MAF: variants seen among roughly 807,000 people sequenced by gnomAD.
MAF encodes MAF bZIP transcription factor, also known as transcription factor Maf.
Under a neutral mutation model 22.0 loss-of-function variants are expected in MAF, and 10 were observed. The observed-to-expected ratio is 0.45, with a 90% CI of 0.28 to 0.77. The LOEUF is 0.77. Among genes scored for constraint, MAF ranks in the 30% least tolerant of loss-of-function variants. The pLI is 0.12. For synonymous variants in MAF, 337 were observed against 255.8 expected (o/e 1.32, Z -3.03); for missense variants, 544 against 548.4 (o/e 0.99, Z 0.08).
chr16:79,417,402 C>A, the MAF span, among the ~76,000 whole-genome samples: 1 of 152,206 alleles, frequency 6.6e-6, no homozygotes, highest in Non-Finnish European at 1.5e-5. Flanking sequence ...GTATCTATCC[C>A]CATTCTATTT....
the MAF span, among the ~76,000 whole-genome samples, chr16:79,579,430 C>T: frequency 6.6e-6 from 1 of 152,072 alleles, no homozygotes; most frequent in African/African-American, 2.4e-5. Flanking sequence ...CCATACAAGC[C>T]TCATTACTAT....
chr16:79,528,642 T>C, the MAF span, among the ~76,000 whole-genome samples: 16 of 147,528 alleles, frequency 1.1e-4, no homozygotes, highest in East Asian at 1.8e-3. Flanking sequence ...CTTTGAGAGA[T>C]ATCAATTCGA....
the MAF span, among the ~76,000 whole-genome samples, chr16:79,222,809 C>T: frequency 6.6e-6 from 1 of 152,104 alleles, no homozygotes; most frequent in East Asian, 1.9e-4. Context: ...ATCAATGCAA[C>T]AAGAACTAAC....
the MAF span, among the ~76,000 whole-genome samples, chr16:79,540,647 C>A: frequency 6.6e-6 from 1 of 152,196 alleles, no homozygotes; most frequent in African/African-American, 2.4e-5. Flanking sequence ...CTTCCCGGTG[C>A]ATGCCGGGGA....
the MAF span, among the ~76,000 whole-genome samples, chr16:79,395,793 C>T: frequency 6.6e-6 from 1 of 152,164 alleles, no homozygotes; most frequent in Non-Finnish European, 1.5e-5. Context: ...AGTTTCTCAT[C>T]ATGTGTTACA....
chr16:79,444,698 A>G, the MAF span, among the ~76,000 whole-genome samples: 19 of 152,210 alleles, frequency 1.2e-4, no homozygotes, highest in African/African-American at 4.6e-4. Context: ...CGAAGCTACA[A>G]CACTGTTTCT....
the MAF span, among the ~76,000 whole-genome samples, chr16:79,375,619 G>A: frequency 2.0e-5 from 3 of 152,088 alleles, no homozygotes; most frequent in East Asian, 5.8e-4. Flanking sequence ...TGATGAAGGT[G>A]ATGATGACAG....
At chr16:79,530,744 A>G in the MAF span, among the ~76,000 whole-genome samples, 2 of 152,210 alleles carry the variant, frequency 1.3e-5, no homozygotes, top group Non-Finnish European at 2.9e-5. Flanking sequence ...TAATAATAAA[A>G]TTAACGATCA....
At chr16:79,492,880 T>C in the MAF span, among the ~76,000 whole-genome samples, 88,071 of 152,082 alleles carry the variant, frequency 0.58, 29,288 homozygotes, top group East Asian at 0.94. Context: ...AGGTTAGTGA[T>C]TGGGAGGGCT....
chr16:79,390,410 A>G, the MAF span, among the ~76,000 whole-genome samples: 3 of 152,138 alleles, frequency 2.0e-5, no homozygotes, highest in Non-Finnish European at 4.4e-5. Context: ...TGACCTCTAA[A>G]TGAAATGCCA....
chr16:79,454,292 A>T, the MAF span, among the ~76,000 whole-genome samples: 1 of 152,318 alleles, frequency 6.6e-6, no homozygotes, highest in Non-Finnish European at 1.5e-5. Context: ...AGATGTAGAA[A>T]TAAATGGTGG....
At chr16:79,211,560 C>T in the MAF span, 3 of 1,612,750 alleles carry the variant, frequency 1.9e-6, no homozygotes, top group Non-Finnish European at 1.7e-6. Flanking sequence ...GCCATCTCAT[C>T]ACTCCTTTTC....
chr16:79,302,982 C>T, the MAF span, among the ~76,000 whole-genome samples: 2 of 152,216 alleles, frequency 1.3e-5, no homozygotes, highest in African/African-American at 2.4e-5. Context: ...CCATTTTACT[C>T]GGCACTCCGG....
chr16:79,520,811 T>A, the MAF span, among the ~76,000 whole-genome samples: 1 of 152,142 alleles, frequency 6.6e-6, no homozygotes. Flanking sequence ...GGGAAGGTTG[T>A]TATTGCTCCT....
At chr16:79,519,585 G>A in the MAF span, among the ~76,000 whole-genome samples, 1 of 152,198 alleles carries the variant, frequency 6.6e-6, no homozygotes, top group Non-Finnish European at 1.5e-5. Flanking sequence ...CTTATCGCTT[G>A]TCATCGGTAA....
At chr16:79,371,359 G>T in the MAF span, among the ~76,000 whole-genome samples, 5 of 152,192 alleles carry the variant, frequency 3.3e-5, no homozygotes, top group African/African-American at 9.6e-5. Flanking sequence ...AGGAGTCACA[G>T]AGCCTCCCAG....
chr16:79,564,260 C>G, the MAF span, among the ~76,000 whole-genome samples: 1 of 152,152 alleles, frequency 6.6e-6, no homozygotes, highest in South Asian at 2.1e-4. Context: ...ATTTCTTGGT[C>G]CTAGGAAGTG....
chr16:79,314,796 C>G, the MAF span, among the ~76,000 whole-genome samples: 1 of 152,146 alleles, frequency 6.6e-6, no homozygotes, highest in African/African-American at 2.4e-5. Context: ...CACGATGCAC[C>G]TCTCCATCCA....
chr16:79,498,300 G>T, the MAF span, among the ~76,000 whole-genome samples: 2 of 152,204 alleles, frequency 1.3e-5, no homozygotes, highest in Non-Finnish European at 2.9e-5. Flanking sequence ...CAGGTTAGCA[G>T]CCATAGACAA....
Sources: gnomAD v4.1 joint callset for allele counts (sites outside exome capture counted in the v4.1 genomes callset) on GRCh38, gnomAD v4.1.1 for gene constraint, MANE v1.5 for transcripts, NCBI Gene and HGNC (gene_info 2026-07-23, HGNC 2026-07-21) for gene names.